The following COL13A1 variants were observed in gnomAD, a reference collection of about 807,000 sequenced individuals.
COL13A1 encodes collagen alpha-1(XIII) chain.
A neutral mutation model predicts 130.9 loss-of-function variants in COL13A1; 89 were observed. That is an observed-to-expected ratio of 0.68 (90% CI 0.57 to 0.81). The LOEUF is 0.81. Ranked by LOEUF, COL13A1 falls within the 30% of genes least tolerant of loss-of-function variation. The pLI is 0.00. For synonymous variants in COL13A1, 402 were observed against 341.6 expected (o/e 1.18, Z -1.95); for missense variants, 879 against 934.6 (o/e 0.94, Z 0.78).
chr10:69,887,429 A>G, intron 7 of COL13A1, 27 bp from the exon 8 acceptor site: 1 of 1,606,142 alleles, frequency 6.2e-7, no homozygotes, highest in East Asian at 2.2e-5. Flanking sequence ...GCTCAATCTC[A>G]TGTGTCTCTT....
rs202094040 is a variant in COL13A1, at chr10:69,898,811, C to T, written c.750+49C>T. The stretch of plus-strand genomic sequence containing the variant: ...ACCATGTGTGGTTTCCCAAGGGGCC[C>T]GGCAAGCCTGCTGGGGCTGCAGACA... On this transcript the variant is annotated intron_variant, in intron 14 of 40. Transcript: ENST00000645393. 2.8e-4 allele frequency: 415 copies of T among 1,491,058 alleles called. No individual in the cohort carries two copies. The African/African-American group carries it at 4.8e-3, about 17-fold the overall frequency. 92.4% of individuals were successfully genotyped at this position (1,491,058 alleles called of 1,614,324 possible).
Position 69,919,689 on chromosome 10 carries a change from C to A in COL13A1, c.1051C>A (p.Pro351Thr), listed in dbSNP as rs1430380710. Residue 351 changes from proline (P) to threonine (T), a missense_variant, in exon 21 of 41, where the codon CCG (proline) becomes ACG (threonine). Pro to Thr is a conservative substitution (Grantham distance 38, BLOSUM62 -1). Around this residue, in one of 3 missense-constraint regions of COL13A1, gnomAD observed 715 missense variants for 721.0 expected, o/e 0.99. Transcript: ENST00000645393. The stretch of plus-strand genomic sequence containing the variant: ...GGGAGACCCAGGAGCAGAAGGGAAG[C>A]CGGGGCCCCCAGGTTTGCTGGGAAA... ...TKGDPGAEGK[P>T]GPPGLLGKRG... 2.5e-6 allele frequency: 1 copy of A among 398,820 alleles called. No homozygotes were observed. 24.7% of individuals were successfully genotyped at this position (398,820 alleles called of 1,614,324 possible).
chr10:69,880,240 T>C (rs187664352), intron 6 of COL13A1, among the ~76,000 whole-genome samples: 25 of 152,098 alleles, frequency 1.6e-4, no homozygotes, highest in Non-Finnish European at 3.4e-4. Context: ...CTCTTCTCCT[T>C]TCCCTCCTGC....
At position 69,880,405 on chromosome 10, in the gene COL13A1, C is replaced by T. The variant is rs559068029; in HGVS notation, c.463-98C>T. 9.3e-5 allele frequency: 71 copies of T among 763,224 alleles called. 1 individual carries two copies. In the South Asian group the frequency reaches 9.4e-4, roughly 10 times the overall value. 47.3% of individuals were successfully genotyped at this position (763,224 alleles called of 1,614,324 possible). On this transcript the variant is annotated intron_variant, in intron 6 of 40. Coordinates refer to ENST00000645393, the MANE Select transcript of COL13A1 (RefSeq NM_001368882.1). ...TGGGGCCGGCCTCCTGCTCCTGGCC[C>T]CCTGCCAGCTCCTTCCCTTTGGTTC...
At chr10:69,829,789 G>GCGGCTGCTA (rs1848383898) in intron 2 of COL13A1, among the ~76,000 whole-genome samples, 2 of 152,320 alleles carry the variant, frequency 1.3e-5, no homozygotes, top group South Asian at 4.1e-4. Flanking sequence ...CAGGTGCTGC[G>GCGGCTGCTA]CGGCTGCTAA....
intron 21 of COL13A1, among the ~76,000 whole-genome samples, chr10:69,920,870 G>A (rs1166545305): frequency 6.6e-6 from 1 of 152,184 alleles, no homozygotes; most frequent in Non-Finnish European, 1.5e-5. Context: ...GTAAGGGGTT[G>A]GCCACCAGTC....
chr10:69,902,626 C>A (rs565233853), intron 14 of COL13A1, 122 bp from the exon 15 acceptor site: 3 of 710,124 alleles, frequency 4.2e-6, no homozygotes, highest in Admixed American at 3.4e-5. Context: ...CTTCCTCCCC[C>A]CATCACCACT....
intron 2 of COL13A1, among the ~76,000 whole-genome samples, chr10:69,867,154 C>G (rs984147149): frequency 1.4e-4 from 22 of 152,010 alleles, no homozygotes; most frequent in Non-Finnish European, 4.4e-5. Context: ...GGAGTGGACA[C>G]CAGAAAGAGA....
intron 7 of COL13A1, among the ~76,000 whole-genome samples, chr10:69,882,746 G>T (rs1176362131): frequency 6.6e-6 from 1 of 152,238 alleles, no homozygotes; most frequent in Non-Finnish European, 1.5e-5. Context: ...CCAGGTGGGT[G>T]CCTACATTGG....
intron 34 of COL13A1, among the ~76,000 whole-genome samples, 187 bp from the exon 35 acceptor site, chr10:69,940,801 C>T (rs560721742): frequency 1.1e-4 from 16 of 152,330 alleles, no homozygotes; most frequent in South Asian, 4.1e-4. Flanking sequence ...TCCATGTTTT[C>T]GTTGGTTTCC....
intron 2 of COL13A1, among the ~76,000 whole-genome samples, chr10:69,830,598 A>C (rs866186971): frequency 6.6e-6 from 1 of 152,002 alleles, no homozygotes; most frequent in South Asian, 2.1e-4. Flanking sequence ...GAAATGATGG[A>C]AATGGTAAAC....
chr10:69,926,420 G>A (rs537600057), intron 26 of COL13A1, among the ~76,000 whole-genome samples: 119 of 152,242 alleles, frequency 7.8e-4, no homozygotes, highest in African/African-American at 2.8e-3. Flanking sequence ...GTGCAGCAGC[G>A]TCCCCAGTCT....
chr10:69,893,352 A>C (rs2061364153), intron 10 of COL13A1, among the ~76,000 whole-genome samples: 2 of 152,252 alleles, frequency 1.3e-5, no homozygotes, highest in Admixed American at 1.3e-4. Context: ...ACCCTGTCTC[A>C]ATAAAACAAT....
intron 39 of COL13A1, chr10:69,955,855 C>T (rs2070571528): frequency 6.6e-6 from 1 of 152,222 alleles, no homozygotes; most frequent in Admixed American, 6.5e-5. Flanking sequence ...TCTGCCTCCT[C>T]CTCTGTGTTA....
At chr10:69,927,152 G>A (rs535229264) in intron 27 of COL13A1, 42 bp downstream of exon 27, 6 of 1,613,268 alleles carry the variant, frequency 3.7e-6, no homozygotes, top group East Asian at 2.2e-5. Flanking sequence ...CACTGGACGG[G>A]GGGGCTGGGG....
At chr10:69,911,766 A>G (rs1008038678) in intron 17 of COL13A1, among the ~76,000 whole-genome samples, 1 of 152,260 alleles carries the variant, frequency 6.6e-6, no homozygotes, top group Admixed American at 6.5e-5. Context: ...CCAAAGAATT[A>G]AGGAAGTGGA....
chr10:69,941,399 G>A (rs778933322), intron 35 of COL13A1, among the ~76,000 whole-genome samples: 9 of 152,164 alleles, frequency 5.9e-5, no homozygotes, highest in African/African-American at 1.2e-4. Context: ...GTGTGTGCCC[G>A]TCATGCTGTG....
chr10:69,812,332 A>G (rs1843280916), intron 1 of COL13A1, among the ~76,000 whole-genome samples: 4 of 152,190 alleles, frequency 2.6e-5, no homozygotes, highest in Admixed American at 2.6e-4. Flanking sequence ...GTTACTGCCT[A>G]TGTGACCTTG....
In COL13A1 at chr10:69,958,893, C is replaced by T; in HGVS notation, c.*192C>T. On this transcript the variant is annotated 3_prime_UTR_variant, in exon 41 of 41. Coordinates refer to ENST00000645393, the MANE Select transcript of COL13A1 (RefSeq NM_001368882.1). ...TTGTTTACAAGATGTTTTGTATAAGCCTATGTCTCTAATACATTTTTTGTT... is the reference window on the plus strand; with the variant it reads ...TTGTTTACAAGATGTTTTGTATAAGTCTATGTCTCTAATACATTTTTTGTT... The T allele has an allele frequency of 1.4e-6, 1 of 701,938 alleles. No individual in the cohort carries two copies. The highest frequency in any genetic ancestry group is 2.1e-5 in the South Asian group (1 of 47,222). The allele number at this position is 701,938 out of a possible 1,614,324, so 43.5% of individuals were successfully genotyped here. A position where few individuals can be genotyped will look rare whatever the true frequency, so the allele number is the denominator to read the frequency against.
Sources: gnomAD v4.1 joint callset for allele counts (sites outside exome capture counted in the v4.1 genomes callset) on GRCh38, gnomAD v4.1.1 for gene constraint, gnomAD v4.1.1 regional missense constraint, MANE v1.5 for transcripts, NCBI Gene and HGNC (gene_info 2026-07-23, HGNC 2026-07-21) for gene names.